SH3BP2: variants seen among roughly 807,000 people sequenced by gnomAD.
SH3BP2 encodes the protein SH3 domain binding protein 2, also known as SH3 domain-binding protein 2.
SH3BP2 carries 38 observed loss-of-function variants against 56.2 expected under a neutral mutation model. That is an observed-to-expected ratio of 0.68 (90% CI 0.52 to 0.89). SH3BP2 has a LOEUF of 0.89. Among genes scored for constraint, SH3BP2 ranks in the 40% least tolerant of loss-of-function variants. The pLI, the probability that SH3BP2 is intolerant of heterozygous loss-of-function variation, is 0.00. For synonymous variants in SH3BP2, 346 were observed against 316.7 expected (o/e 1.09, Z -0.98); for missense variants, 748 against 762.6 (o/e 0.98, Z 0.23).
intron 1 of SH3BP2, among the ~76,000 whole-genome samples, chr4:2,807,098 A>G (rs748294407): frequency 1.3e-5 from 2 of 152,198 alleles, no homozygotes; most frequent in Non-Finnish European, 2.9e-5. Context: ...TTCTGGGAAC[A>G]CTGCTGTCTC....
At chr4:2,827,500 C>A in intron 6 of SH3BP2, 106 bp from the exon 7 acceptor site, 1 of 1,265,768 alleles carries the variant, frequency 7.9e-7, no homozygotes, top group Non-Finnish European at 1.1e-6. Flanking sequence ...GTCCTCCCAG[C>A]AGGTGCTTGC....
At chr4:2,824,998 G>A in intron 4 of SH3BP2, 128 bp from the exon 5 acceptor site, 2 of 865,088 alleles carry the variant, frequency 2.3e-6, no homozygotes, top group South Asian at 1.4e-5. Flanking sequence ...CAGCCATGTT[G>A]TATCCAGCCG....
chr4:2,822,796 G>C (rs915236114), intron 2 of SH3BP2, 139 bp from the exon 3 acceptor site: 7 of 713,646 alleles, frequency 9.8e-6, no homozygotes, highest in Admixed American at 4.1e-5. Context: ...CAGCATGCCA[G>C]CCTTGCTCCC....
At chr4:2,818,615 G>A in intron 1 of SH3BP2, 2 of 683,716 alleles carry the variant, frequency 2.9e-6, no homozygotes, top group Non-Finnish European at 3.7e-6. Context: ...CCCCGCGGGC[G>A]GACTGGGCAC....
At chr4:2,818,518 T>C (rs1724119357) in intron 1 of SH3BP2, 1 of 550,570 alleles carries the variant, frequency 1.8e-6, no homozygotes, top group Non-Finnish European at 2.4e-6. Flanking sequence ...CACGCGCTTC[T>C]TGGGGGAACA....
At chr4:2,825,678 G>A (rs1724576383) in intron 5 of SH3BP2, among the ~76,000 whole-genome samples, 1 of 152,264 alleles carries the variant, frequency 6.6e-6, no homozygotes, top group Non-Finnish European at 1.5e-5. Flanking sequence ...ATCTGTTTCT[G>A]TGTTGCCGCC....
chr4:2,819,035 C>G (rs1361031884), intron 1 of SH3BP2: 4 of 321,956 alleles, frequency 1.2e-5, no homozygotes, highest in Non-Finnish European at 1.8e-5. Context: ...CTGGCTCAAT[C>G]GATCCTCCTG....
rs148421972 is a variant in SH3BP2 at position 2,826,540 on chromosome 4, C to CTG, written c.429-675_429-674dup. ...TGTGTGTGCATGTCCGCGTGTTGCT[C>CTG]TGTGTGTGTGTGTGTGCATGTCTGC... On this transcript the variant is annotated intron_variant, in intron 5 of 12. Coordinates refer to ENST00000503393, the MANE Select transcript of SH3BP2 (RefSeq NM_001122681.2). 5.2e-3 allele frequency: 1,110 copies of CTG among 212,336 alleles called. 27 individuals are homozygous for CTG. The highest frequency in any genetic ancestry group is 0.03 in the African/African-American group (864 of 29,072). 13.2% of individuals were successfully genotyped at this position (212,336 alleles called of 1,614,324 possible).
chr4:2,801,859 G>C (rs957860180), intron 1 of SH3BP2, among the ~76,000 whole-genome samples: 4 of 152,364 alleles, frequency 2.6e-5, no homozygotes, highest in African/African-American at 4.8e-5. Context: ...TGTAATCCCA[G>C]CACTTTGGGA....
At chr4:2,809,698 TG>T in intron 1 of SH3BP2, 6 of 700,484 alleles carry the variant, frequency 8.6e-6, no homozygotes, top group Non-Finnish European at 1.1e-5. Context: ...CACCACCCAC[TG>T]TGCTGGGTGT....
Position 2,827,272 on chromosome 4 carries a change from G to A in SH3BP2, c.471G>A (p.Glu157=). The A allele has an allele frequency of 6.2e-7, 1 of 1,614,226 alleles. No homozygotes were observed. Among genetic ancestry groups the A allele is most frequent in the Non-Finnish European group, 8.5e-7 (1 of 1,180,042 alleles). The change falls in exon 6 of 13, where the codon GAG becomes GAA. Residue 157 remains glutamate (E), a synonymous_variant. Coordinates refer to ENST00000503393, the MANE Select transcript of SH3BP2 (RefSeq NM_001122681.2). ...SDTDSFYGAV[E]RPVDISLSPY... ...CAGACAGCTTCTACGGCGCAGTTGA[G>A]CGGCCTGTGGATATCAGCCTTTCCC...
At chr4:2,824,781 C>A in intron 4 of SH3BP2, 51 bp downstream of exon 4, 1 of 1,377,416 alleles carries the variant, frequency 7.3e-7, no homozygotes, top group Non-Finnish European at 1.0e-6. Flanking sequence ...TGTGGGCCTG[C>A]AGGCACCAGG....
intron 1 of SH3BP2, among the ~76,000 whole-genome samples, chr4:2,807,826 G>T (rs1311235475): frequency 1.3e-5 from 2 of 152,204 alleles, no homozygotes; most frequent in Admixed American, 6.5e-5. Context: ...GGCATGGCAG[G>T]TGAGGCTGGT....
At chr4:2,812,730 C>CA (rs1723809406) in intron 1 of SH3BP2, among the ~76,000 whole-genome samples, 1 of 136,734 alleles carries the variant, frequency 7.3e-6, no homozygotes, top group South Asian at 2.4e-4. Context: ...GAACCCCCCC[C>CA]ACCCCCCCAT....
chr4:2,819,123 T>C (rs1724162494), intron 1 of SH3BP2: 1 of 157,424 alleles, frequency 6.4e-6, no homozygotes, highest in Admixed American at 6.5e-5. Flanking sequence ...TGTCTCTATA[T>C]GTTGCCCAGG....
intron 3 of SH3BP2, 90 bp downstream of exon 3, chr4:2,823,127 C>T (rs1336569289): frequency 3.3e-5 from 31 of 942,094 alleles, no homozygotes; most frequent in South Asian, 1.2e-4. Flanking sequence ...CCCTTATTCC[C>T]GCCCAAGGAA....
chr4:2,802,436 GTGTGTGTA>G (rs1723325510), intron 1 of SH3BP2, among the ~76,000 whole-genome samples: 19 of 148,896 alleles, frequency 1.3e-4, no homozygotes, highest in African/African-American at 7.5e-5. Context: ...GTGTGTGTGT[GTGTGTGTA>G]TGTATATATG....
intron 1 of SH3BP2, among the ~76,000 whole-genome samples, chr4:2,804,113 T>C (rs113184358): frequency 6.6e-6 from 1 of 152,114 alleles, no homozygotes; most frequent in African/African-American, 2.4e-5. Flanking sequence ...CACCATTCCC[T>C]GGCCTCGGTT....
In SH3BP2 at chr4:2,836,167, G is replaced by C. The variant is rs1324699223; in HGVS notation, c.*2333G>C. 3 of 152,358 alleles carry C rather than the reference G, an allele frequency of 2.0e-5. No homozygotes were observed. The highest frequency in any genetic ancestry group is 7.2e-5 in the African/African-American group (3 of 41,440). 9.4% of individuals were successfully genotyped at this position (152,358 alleles called of 1,614,324 possible). A position where few individuals can be genotyped will look rare whatever the true frequency, so the allele number is the denominator to read the frequency against. On this transcript the variant is annotated 3_prime_UTR_variant, in exon 13 of 13. Transcript: ENST00000503393. ...TACCCGAAGCCCAGCTGGGGCCCTG[G>C]TCCAGCCTCGCCTCCCAGACTCTGC...
Sources: allele counts gnomAD v4.1 joint callset (sites outside exome capture counted in the v4.1 genomes callset), GRCh38; gene constraint gnomAD v4.1.1; transcripts MANE v1.5; gene names NCBI Gene and HGNC (gene_info 2026-07-23, HGNC 2026-07-21).